TRAK2: variants seen among roughly 807,000 people sequenced by gnomAD.
TRAK2 encodes the protein trafficking kinesin protein 2.
In TRAK2, 81 loss-of-function variants were observed where a neutral mutation model predicts 104.6. The observed-to-expected ratio is 0.77, with a 90% CI of 0.65 to 0.93. The LOEUF is 0.93. TRAK2 is among the 40% of genes least tolerant of loss of function. The pLI is 0.00. For missense variants in TRAK2, 1,002 were observed against 1,089.0 expected (o/e 0.92, Z 1.12); for synonymous variants, 406 against 394.4 (o/e 1.03, Z -0.35).
At chr2:201,420,376 T>C (rs368165120) in intron 2 of TRAK2, 41 bp downstream of exon 2, 1 of 1,550,372 alleles carries the variant, frequency 6.5e-7, no homozygotes, top group African/African-American at 1.4e-5. Context: ...CATTTTCTCC[T>C]ATAAGCGATA....
At chr2:201,416,697 G>C (rs1410535806) in intron 2 of TRAK2, among the ~76,000 whole-genome samples, 1 of 151,998 alleles carries the variant, frequency 6.6e-6, no homozygotes, top group South Asian at 2.1e-4. Flanking sequence ...TAGAATGGTA[G>C]GGGGAAATGG....
chr2:201,410,580 A>G lies in TRAK2; in HGVS notation c.92-2983T>C. On this transcript the variant is annotated intron_variant, in intron 2 of 15. Transcript: ENST00000332624. ...GATCTTTAAAATCATTGCTAGCTGA[A>G]CTGCTATTGGTCATAGCAGTTGGTG... 2.4e-6 allele frequency: 3 copies of G among 1,244,596 alleles called. No homozygotes were observed. In the Admixed American group the frequency reaches 5.2e-5, roughly 22 times the overall value. The allele number at this position is 1,244,596 out of a possible 1,614,324, so 77.1% of individuals were successfully genotyped here. A position where few individuals can be genotyped will look rare whatever the true frequency, so the allele number is the denominator to read the frequency against.
At chr2:201,445,874 G>A (rs1431097692) in intron 1 of TRAK2, among the ~76,000 whole-genome samples, 1 of 152,234 alleles carries the variant, frequency 6.6e-6, no homozygotes, top group Non-Finnish European at 1.5e-5. Flanking sequence ...AATGCAGGAT[G>A]CAGGATAAAT....
At position 201,439,476 on chromosome 2, in the gene TRAK2, C is replaced by T. The variant is rs983221286; in HGVS notation, c.-200+11874G>A. Reference sequence around the variant, plus strand: ...TCCTCCTGAAGTTAACACATGATAACGAGGAAAGTCCAATAAACTGCCATG... The same window carrying T: ...TCCTCCTGAAGTTAACACATGATAATGAGGAAAGTCCAATAAACTGCCATG... On this transcript the variant is annotated intron_variant, in intron 1 of 15. Coordinates refer to ENST00000332624, the MANE Select transcript of TRAK2 (RefSeq NM_015049.3). 2.7e-5 allele frequency among the ~76,000 whole-genome samples: 4 copies of T among 150,802 alleles called. No individual in the cohort carries two copies. The East Asian group carries it at 5.8e-4, about 22-fold the overall frequency.
intron 1 of TRAK2, among the ~76,000 whole-genome samples, chr2:201,439,833 G>A (rs1004732835): frequency 7.0e-6 from 1 of 143,374 alleles, no homozygotes; most frequent in South Asian, 2.2e-4. Flanking sequence ...CTATCGCAAG[G>A]ACAAAAAACC....
At chr2:201,406,104 A>T (rs954873790) in intron 3 of TRAK2, among the ~76,000 whole-genome samples, 1 of 152,238 alleles carries the variant, frequency 6.6e-6, no homozygotes, top group African/African-American at 2.4e-5. Context: ...CAAGCAAGCA[A>T]ATTCTCAAAC....
intron 2 of TRAK2, among the ~76,000 whole-genome samples, chr2:201,410,301 G>T (rs1167078727): frequency 6.7e-6 from 1 of 149,426 alleles, no homozygotes; most frequent in East Asian, 2.0e-4. Flanking sequence ...GCAAGACTCC[G>T]TCTCAAAAAA....
Position 201,395,321 on chromosome 2 carries a change from A to G in TRAK2, c.893T>C (p.Leu298Pro). The change falls in exon 8 of 16, where the codon CTT becomes CCT. Residue 298 changes from leucine to proline, a missense_variant. By Grantham distance (98) the Leu-to-Pro change is moderately conservative. Transcript: ENST00000332624. ...ATGAATGAATAAACCTACTTCTTTAAGTTTGTGCTGAAGGTCTACAATCTG... is the reference window on the plus strand; with the variant it reads ...ATGAATGAATAAACCTACTTCTTTAGGTTTGTGCTGAAGGTCTACAATCTG... ...LSQIVDLQHK[L>P]KEHVIEKEEL... is the part of the protein sequence containing the mutation. The G allele has an allele frequency of 6.2e-7, 1 of 1,603,822 alleles. No homozygotes were observed. Among genetic ancestry groups the G allele is most frequent in the Non-Finnish European group, 8.5e-7 (1 of 1,172,422 alleles).
Position 201,387,794 on chromosome 2 carries a change from G to A in TRAK2, c.1605C>T (p.Cys535=). The change falls in exon 13 of 16, where the codon TGC becomes TGT. Residue 535 remains cysteine, a synonymous_variant. Coordinates refer to ENST00000332624, the MANE Select transcript of TRAK2 (RefSeq NM_015049.3). Reference sequence around the variant, plus strand: ...GGTCTGTGATCTCTGACTGGGTGGTGCAGAGAGAGGCAAGGCTCTCTGTCG... The same window carrying A: ...GGTCTGTGATCTCTGACTGGGTGGTACAGAGAGAGGCAAGGCTCTCTGTCG... ...VTPTESLASL[C]TTQSEITDLS... 1 of 1,614,122 alleles carries A rather than the reference G, an allele frequency of 6.2e-7. No individual in the cohort carries two copies. Among genetic ancestry groups the A allele is most frequent in the South Asian group, 1.1e-5 (1 of 91,080 alleles).
rs576634099 is a variant in TRAK2, at chr2:201,412,251, G to A, written c.92-4654C>T. The A allele has an allele frequency of 2.7e-4, 286 of 1,043,632 alleles. No individual in the cohort carries two copies. The South Asian group carries it at 2.9e-3, about 11-fold the overall frequency. 64.6% of individuals were successfully genotyped at this position (1,043,632 alleles called of 1,614,324 possible). Reference sequence around the variant, plus strand: ...TGGGCAGTAGAACCTTTGGCAGTCCGTTGAAAAACTGTGATTTCTGAAGAT... The same window carrying A: ...TGGGCAGTAGAACCTTTGGCAGTCCATTGAAAAACTGTGATTTCTGAAGAT... On this transcript the variant is annotated intron_variant, in intron 2 of 15. Transcript: ENST00000332624.
intron 2 of TRAK2, chr2:201,412,894 A>G (rs2125651681): frequency 3.8e-6 from 3 of 795,588 alleles, no homozygotes; most frequent in Non-Finnish European, 6.9e-6. Flanking sequence ...GTCTGGAGAT[A>G]TAGGGAAAGG....
chr2:201,423,777 A>C (rs1314611662), intron 1 of TRAK2, among the ~76,000 whole-genome samples: 2 of 152,180 alleles, frequency 1.3e-5, no homozygotes, highest in Non-Finnish European at 1.5e-5. Context: ...TATATAATAC[A>C]CAATTTTAAA....
chr2:201,388,922 A>T (rs1178950403), intron 12 of TRAK2, among the ~76,000 whole-genome samples: 1 of 152,222 alleles, frequency 6.6e-6, no homozygotes, highest in Non-Finnish European at 1.5e-5. Flanking sequence ...TATAGAATTC[A>T]ATGTACTGAA....
At position 201,412,149 on chromosome 2, in the gene TRAK2, T is replaced by C. The variant is rs1559446858; in HGVS notation, c.92-4552A>G. 9.0e-6 allele frequency: 9 copies of C among 999,540 alleles called. No individual in the cohort carries two copies. The East Asian group carries it at 1.7e-4, about 18-fold the overall frequency. The allele number at this position is 999,540 out of a possible 1,614,324, so 61.9% of individuals were successfully genotyped here. On this transcript the variant is annotated intron_variant, in intron 2 of 15. Transcript: ENST00000332624. ...CATTCCTCAACGATCAGTAGAACAC[T>C]GGGCAAAACAAAAGGTACCATGTCA...
intron 1 of TRAK2, among the ~76,000 whole-genome samples, chr2:201,450,238 A>G (rs927049894): frequency 6.6e-6 from 1 of 151,314 alleles, no homozygotes; most frequent in African/African-American, 2.4e-5. Context: ...AACATGGTGA[A>G]ACCCCATCTC....
intron 1 of TRAK2, among the ~76,000 whole-genome samples, chr2:201,427,575 T>C (rs769659702): frequency 6.6e-5 from 10 of 152,244 alleles, no homozygotes; most frequent in South Asian, 2.1e-4. Context: ...CTACCAATGA[T>C]AGACATTTGG....
chr2:201,445,999 G>A (rs974742032), intron 1 of TRAK2, among the ~76,000 whole-genome samples: 3 of 152,108 alleles, frequency 2.0e-5, no homozygotes, highest in Admixed American at 6.5e-5. Flanking sequence ...AAGGATTTAC[G>A]GGTTTGTGAG....
In TRAK2 at chr2:201,401,054, G is replaced by C; in HGVS notation, c.327C>G (p.Tyr109Ter). The C allele has an allele frequency of 6.2e-7, 1 of 1,611,316 alleles. No individual in the cohort carries two copies. The highest frequency in any genetic ancestry group is 1.1e-5 in the South Asian group (1 of 90,762). Residue 109 changes from tyrosine (Y) to a stop codon, truncating the protein, a stop_gained, in exon 4 of 16, where the codon TAC becomes TAG. Coordinates refer to ENST00000332624, the MANE Select transcript of TRAK2 (RefSeq NM_015049.3). LOFTEE classifies it high-confidence loss of function. ...TDRVEQMTKT[Y>*]NDIDMVTHLL... ...GATGTGTAACCATGTCGATGTCATTGTAAGTTTTGGTCATCTGCTCCACCC... is the reference window on the plus strand; with the variant it reads ...GATGTGTAACCATGTCGATGTCATTCTAAGTTTTGGTCATCTGCTCCACCC...
intron 1 of TRAK2, among the ~76,000 whole-genome samples, chr2:201,436,685 G>A (rs1002124572): frequency 3.3e-5 from 5 of 152,110 alleles, no homozygotes; most frequent in African/African-American, 1.2e-4. Context: ...TTTGCTTTTG[G>A]TGGCTTAAGA....
Sources: gnomAD v4.1 joint callset for allele counts (sites outside exome capture counted in the v4.1 genomes callset) on GRCh38, gnomAD v4.1.1 for gene constraint, MANE v1.5 for transcripts, NCBI Gene and HGNC (gene_info 2026-07-23, HGNC 2026-07-21) for gene names.